The following FRMD8 variants were observed in gnomAD, a reference collection of about 807,000 sequenced individuals.
FRMD8 encodes FERM domain containing 8, also known as FERM domain-containing protein 8.
In FRMD8, 37 loss-of-function variants were observed where a neutral mutation model predicts 54.2. The observed-to-expected ratio is 0.68, with a 90% CI of 0.53 to 0.90. FRMD8 has a LOEUF of 0.90. Among genes scored for constraint, FRMD8 ranks in the 40% least tolerant of loss-of-function variants. FRMD8 has a pLI of 0.00. For missense variants in FRMD8, 585 were observed against 653.7 expected, an observed-to-expected ratio of 0.89 and a Z score of 1.15; for synonymous variants, 246 against 286.9, an observed-to-expected ratio of 0.86 and a Z score of 1.44.
At chr11:65,371,292 G>A in the FRMD8 span, among the ~76,000 whole-genome samples, 22 of 152,116 alleles carry the variant, frequency 1.4e-4, no homozygotes, top group African/African-American at 5.3e-4. Flanking sequence ...AAGCCACAGG[G>A]AGTGTCACTA....
rs769364038 is a variant in FRMD8, at chr11:65,393,999, C to CA, written c.356-41dup. 13 of 1,605,096 alleles carry CA rather than the reference C, an allele frequency of 8.1e-6. No homozygotes were observed. In the African/African-American group the frequency reaches 1.7e-4, roughly 21 times the overall value. On this transcript the variant is annotated intron_variant, in intron 4 of 10. Coordinates refer to ENST00000317568, the MANE Select transcript of FRMD8 (RefSeq NM_031904.5). ...CCAATCGGGAGAGGGGAGGGCTAAG[C>CA]AGAGTGGGGATGCCCGGCAGTGACC...
upstream of FRMD8, chr11:65,382,121 C>T: frequency 1.5e-6 from 1 of 659,222 alleles, no homozygotes; most frequent in African/African-American, 1.8e-5. This position sits in a 1 kb window ranked among gnomAD's most constrained non-coding sequence, Gnocchi z 4.4. Flanking sequence ...GAGAGCGAGC[C>T]AGTTCCGGTG....
chr11:65,395,004 T>G (rs1359567889), intron 6 of FRMD8, among the ~76,000 whole-genome samples: 2 of 152,182 alleles, frequency 1.3e-5, no homozygotes, highest in East Asian at 3.9e-4. Context: ...CCCAACACTT[T>G]GGGAGGTCAA....
At chr11:65,392,228 G>T (rs186380151) in intron 3 of FRMD8, among the ~76,000 whole-genome samples, 50 of 152,304 alleles carry the variant, frequency 3.3e-4, no homozygotes, top group Non-Finnish European at 6.3e-4. Flanking sequence ...AGGGGTGGGT[G>T]GAAGGGCTGT....
chr11:65,380,137 C>G, the FRMD8 span: 1 of 1,613,972 alleles, frequency 6.2e-7, no homozygotes. Context: ...CTCACCTTTA[C>G]AGTGTCAAAC....
Position 65,394,360 on chromosome 11 carries a change from C to A in FRMD8, c.516C>A (p.Gly172=). 6.3e-7 allele frequency: 1 copy of A among 1,577,842 alleles called. No individual in the cohort carries two copies. Among genetic ancestry groups the A allele is most frequent in the Non-Finnish European group, 8.6e-7 (1 of 1,162,718 alleles). ...ACGTGGAGGACTGCGAGGCTCTGGG[C>A]GCCCTGGTGTGCCGCGTGCAGCTTG... ...PCDVEDCEAL[G]ALVCRVQLGP... is the part of the protein sequence containing the mutation. The change falls in exon 6 of 11, where the codon GGC becomes GGA. Residue 172 remains glycine (G), a synonymous_variant. Transcript: ENST00000317568.
chr11:65,370,002 G>T, the FRMD8 span, among the ~76,000 whole-genome samples: 1,841 of 151,454 alleles, frequency 0.012, 30 homozygotes, highest in Non-Finnish European at 0.019. Flanking sequence ...TTGCATTCCA[G>T]CCTGGGCAAC....
At chr11:65,411,161 C>T (rs1856320609) in intron 10 of FRMD8, 81 bp from the exon 11 acceptor site, 20 of 1,208,408 alleles carry the variant, frequency 1.7e-5, no homozygotes, top group South Asian at 6.0e-5. Context: ...CGCGCTGGAG[C>T]CAGAACCTGG....
intron 9 of FRMD8, among the ~76,000 whole-genome samples, chr11:65,403,434 C>T (rs1461623216): frequency 4.6e-5 from 7 of 151,938 alleles, no homozygotes; most frequent in African/African-American, 9.7e-5. Flanking sequence ...CCACCCGCCT[C>T]GGCCTCCCAA....
In FRMD8 at chr11:65,411,963, C is replaced by CA. The variant is rs1266268818; in HGVS notation, c.*604dup. On this transcript the variant is annotated 3_prime_UTR_variant, in exon 11 of 11. Transcript: ENST00000317568. Reference sequence around the variant, plus strand: ...TCCCTGGATTGAACCGGGACAGAAACACGGTGAGGGCCCCCACCACACCTC... The same window carrying CA: ...TCCCTGGATTGAACCGGGACAGAAACAACGGTGAGGGCCCCCACCACACCTC... 6.6e-6 allele frequency: 1 copy of CA among 152,278 alleles called. No homozygotes were observed. The highest frequency in any genetic ancestry group is 2.4e-5 in the African/African-American group (1 of 41,442). The allele number at this position is 152,278 out of a possible 1,614,324, so 9.4% of individuals were successfully genotyped here.
the FRMD8 span, among the ~76,000 whole-genome samples, chr11:65,372,109 A>G: frequency 1.4e-4 from 21 of 150,636 alleles, no homozygotes; most frequent in African/African-American, 5.1e-4. Flanking sequence ...ATGGGGTTTC[A>G]CCATATTGGC....
rs139552682 is a variant in FRMD8 at position 65,404,952 on chromosome 11, C to A, written c.1160C>A (p.Ser387Ter). Residue 387 changes from serine (S) to a stop codon, truncating the protein, a stop_gained, in exon 10 of 11, where the codon TCG becomes TAG. Coordinates refer to ENST00000317568, the MANE Select transcript of FRMD8 (RefSeq NM_031904.5). LOFTEE classifies it high-confidence loss of function. This position sits in a 1 kb window ranked among gnomAD's most constrained non-coding sequence, Gnocchi z 4.7. ...PAGPQDSATG[S>*]PSDPSSSLAP... ...GGCCCCCAGGACAGTGCGACTGGCT[C>A]GCCCTCGGACCCCAGCTCCTCACTG... The A allele has an allele frequency of 1.2e-6, 2 of 1,613,192 alleles. No individual in the cohort carries two copies. Among genetic ancestry groups the A allele is most frequent in the Non-Finnish European group, 1.7e-6 (2 of 1,180,034 alleles).
the FRMD8 span, chr11:65,380,758 G>A: frequency 1.3e-5 from 5 of 395,828 alleles, 1 homozygote; most frequent in South Asian, 1.0e-4. Context: ...GCACCCCCAG[G>A]AGGCAGGTTC....
the FRMD8 span, among the ~76,000 whole-genome samples, chr11:65,368,625 G>C: frequency 6.6e-6 from 1 of 151,950 alleles, no homozygotes; most frequent in African/African-American, 2.4e-5. Context: ...GTGCAGTGGC[G>C]CAATCTCGGC....
chr11:65,405,122 A>G (rs558504446), intron 10 of FRMD8, 54 bp downstream of exon 10: 55 of 1,545,188 alleles, frequency 3.6e-5, no homozygotes, highest in Non-Finnish European at 4.3e-5. Flanking sequence ...GCGTGCACAC[A>G]CCGGGGGGAG....
At chr11:65,398,023 G>C (rs943965994) in intron 7 of FRMD8, among the ~76,000 whole-genome samples, 5 of 152,022 alleles carry the variant, frequency 3.3e-5, no homozygotes, top group South Asian at 4.2e-4. Context: ...CTACAGGTCT[G>C]CACCACTATG....
the FRMD8 span, chr11:65,379,041 A>T: frequency 3.1e-6 from 1 of 325,106 alleles, no homozygotes; most frequent in Non-Finnish European, 5.8e-6. Flanking sequence ...CTCCAGGGTC[A>T]AAGGTCTCCT....
At position 65,389,003 on chromosome 11, in the gene FRMD8, A is replaced by G. The variant is rs144832466; in HGVS notation, c.86-358A>G. ...GTGGCATGTTCTTGTTCAGGGCAGAAGAACAGTTGAATCCTTGGGGCAGCT... is the reference window on the plus strand; with the variant it reads ...GTGGCATGTTCTTGTTCAGGGCAGAGGAACAGTTGAATCCTTGGGGCAGCT... On this transcript the variant is annotated intron_variant, in intron 2 of 10. Transcript: ENST00000317568. 1.8e-3 allele frequency among the ~76,000 whole-genome samples: 278 copies of G among 152,276 alleles called. 7 individuals carry two copies. The East Asian group carries it at 0.049, about 27-fold the overall frequency.
chr11:65,399,330 C>A (rs1856020498), intron 7 of FRMD8, among the ~76,000 whole-genome samples: 1 of 152,100 alleles, frequency 6.6e-6, no homozygotes, highest in South Asian at 2.1e-4. Context: ...GAGCCACTCC[C>A]CTCACCTCCT....
Sources: allele counts gnomAD v4.1 joint callset (sites outside exome capture counted in the v4.1 genomes callset), GRCh38; gene constraint gnomAD v4.1.1; non-coding constraint Gnocchi (gnomAD v3.1); transcripts MANE v1.5; gene names NCBI Gene and HGNC (gene_info 2026-07-23, HGNC 2026-07-21).